The following QSOX2 variants were observed in gnomAD, a reference collection of about 807,000 sequenced individuals.
QSOX2 encodes quiescin sulfhydryl oxidase 2, also known as sulfhydryl oxidase 2.
Under a neutral mutation model 61.7 loss-of-function variants are expected in QSOX2, and 46 were observed. That is an observed-to-expected ratio of 0.75 (90% CI 0.59 to 0.95). The LOEUF (loss-of-function observed/expected upper bound fraction) is 0.95. QSOX2 is among the 40% of genes least tolerant of loss of function. QSOX2 has a pLI of 0.00. For missense variants in QSOX2, 879 were observed against 918.9 expected (o/e 0.96, Z 0.56); for synonymous variants, 383 against 388.4 (o/e 0.99, Z 0.16).
Position 136,209,045 on chromosome 9 carries a change from G to A in QSOX2, c.1780C>T (p.Leu594Phe), listed in dbSNP as rs1286851797. 2 of 1,614,104 alleles carry A rather than the reference G, an allele frequency of 1.2e-6. No homozygotes were observed. Among genetic ancestry groups the A allele is most frequent in the Non-Finnish European group, 1.7e-6 (2 of 1,179,994 alleles). ...CCATGGGACACCTCTGGGGGAGTGA[G>A]TCTTTTCTCCTCTTCCTCACCCCTG... is the stretch of plus-strand genomic sequence containing the variant. The part of the protein sequence containing the change: ...LARGEEEEKR[L>F]TPPEVSHGDR... The change falls in exon 12 of 12, where the codon CTC (leucine) becomes TTC (phenylalanine). Residue 594 changes from leucine to phenylalanine, a missense_variant. Physicochemically the swap from Leu to Phe is conservative, Grantham distance 22 (BLOSUM62 0). Coordinates refer to ENST00000358701, the MANE Select transcript of QSOX2 (RefSeq NM_181701.4). This position sits in a 1 kb window ranked among gnomAD's most constrained non-coding sequence, Gnocchi z 5.6.
intron 1 of QSOX2, among the ~76,000 whole-genome samples, chr9:136,235,857 C>T (rs1006905902): frequency 5.3e-5 from 8 of 152,188 alleles, no homozygotes; most frequent in Non-Finnish European, 8.8e-5. Context: ...CATGGGTCTC[C>T]GGCTCAGCAC....
intron 1 of QSOX2, among the ~76,000 whole-genome samples, chr9:136,232,917 C>CAAAAAAAAAAAAAAAA (rs60814748): frequency 8.8e-5 from 4 of 45,482 alleles, no homozygotes; most frequent in South Asian, 6.8e-4. Context: ...GAACCTGTCT[C>CAAAAAAAAAAAAAAAA]AAAAAAAAAA....
chr9:136,245,269 TG>T (rs1309161239), intron 1 of QSOX2, among the ~76,000 whole-genome samples: 1 of 152,042 alleles, frequency 6.6e-6, no homozygotes, highest in Non-Finnish European at 1.5e-5. Flanking sequence ...GGGAGAGACA[TG>T]GGGAGCAGCT....
At chr9:136,234,722 C>A (rs997858782) in intron 1 of QSOX2, among the ~76,000 whole-genome samples, 1 of 152,112 alleles carries the variant, frequency 6.6e-6, no homozygotes, top group African/African-American at 2.4e-5. Context: ...TGGCCATCCC[C>A]GGCTTGGGAG....
At chr9:136,214,314 C>A (rs989585385) in intron 10 of QSOX2, among the ~76,000 whole-genome samples, 7 of 152,228 alleles carry the variant, frequency 4.6e-5, no homozygotes, top group African/African-American at 7.2e-5. Flanking sequence ...CTGCGACGGT[C>A]CCCACAGATC....
At chr9:136,235,301 C>T (rs1346342307) in intron 1 of QSOX2, among the ~76,000 whole-genome samples, 1 of 152,240 alleles carries the variant, frequency 6.6e-6, no homozygotes, top group East Asian at 1.9e-4. Context: ...CACGTCCCCA[C>T]GACGGCCACA....
At chr9:136,239,089 C>T (rs965790208) in intron 1 of QSOX2, among the ~76,000 whole-genome samples, 1 of 152,250 alleles carries the variant, frequency 6.6e-6, no homozygotes, top group African/African-American at 2.4e-5. Context: ...TCTCCCAAGT[C>T]GCTGCCCTCT....
chr9:136,230,573 C>G (rs1265808729), intron 1 of QSOX2, among the ~76,000 whole-genome samples: 3 of 152,216 alleles, frequency 2.0e-5, no homozygotes, highest in Non-Finnish European at 4.4e-5. Context: ...TGACGGCATC[C>G]TTATCACGTC....
chr9:136,223,905 G>A lies in QSOX2; in HGVS notation c.585-52C>T, dbSNP rs1554756756. On this transcript the variant is annotated intron_variant, in intron 4 of 11. Coordinates refer to ENST00000358701, the MANE Select transcript of QSOX2 (RefSeq NM_181701.4). This position sits in a 1 kb window ranked among gnomAD's most constrained non-coding sequence, Gnocchi z 4.4. ...TAGTGCCGTCAACAGCAGCGAGTTG[G>A]CCACCACATCCCAGTGGCCACATCA... The A allele has an allele frequency of 1.7e-5, 27 of 1,585,554 alleles. No homozygotes were observed. The highest frequency in any genetic ancestry group is 2.1e-5 in the Non-Finnish European group (24 of 1,154,826).
At chr9:136,237,427 G>A (rs1233690376) in intron 1 of QSOX2, among the ~76,000 whole-genome samples, 7 of 144,638 alleles carry the variant, frequency 4.8e-5, no homozygotes, top group African/African-American at 1.8e-4. Flanking sequence ...GCATCACCTG[G>A]AGCCCGTCCT....
rs1253513912 is a variant in QSOX2, at chr9:136,221,413, C to T, written c.821+383G>A. Among the ~76,000 whole-genome samples, 1 of 152,222 alleles carries T rather than the reference C, an allele frequency of 6.6e-6. No individual in the cohort carries two copies. Among genetic ancestry groups the T allele is most frequent in the Non-Finnish European group, 1.5e-5 (1 of 68,034 alleles). The stretch of plus-strand genomic sequence containing the variant: ...TGGGCACGTGGGCTTGTCTGCCAGC[C>T]CCAGACACAGACCCAAACTGCATCC... On this transcript the variant is annotated intron_variant, in intron 6 of 11. Coordinates refer to ENST00000358701, the MANE Select transcript of QSOX2 (RefSeq NM_181701.4). The surrounding 1 kb of genome is among the most constrained non-coding windows in gnomAD (Gnocchi z 4.5).
At chr9:136,240,008 C>T (rs1312277536) in intron 1 of QSOX2, among the ~76,000 whole-genome samples, 2 of 152,264 alleles carry the variant, frequency 1.3e-5, no homozygotes, top group Non-Finnish European at 2.9e-5. Flanking sequence ...CTGCTCTGCC[C>T]ACCTGTCTAG....
chr9:136,226,760 C>T lies in QSOX2; in HGVS notation c.429+14G>A, dbSNP rs79697339. The stretch of plus-strand genomic sequence containing the variant: ...AGGTGAATTTCAACGGACAAGCAGC[C>T]GCGTGATACTCACCCGGAAGGTGGG... On this transcript the variant is annotated intron_variant, in intron 2 of 11. Transcript: ENST00000358701. The T allele has an allele frequency of 4.9e-3, 7,931 of 1,603,860 alleles. 337 individuals are homozygous for T. The African/African-American group carries it at 0.091, about 18-fold the overall frequency.
At chr9:136,226,955 G>T in intron 1 of QSOX2, 81 bp from the exon 2 acceptor site, 1 of 1,215,402 alleles carries the variant, frequency 8.2e-7, no homozygotes, top group Non-Finnish European at 1.2e-6. Context: ...CCCACTCCAG[G>T]CTGCGGCCAC....
intron 1 of QSOX2, among the ~76,000 whole-genome samples, chr9:136,241,895 G>A (rs1588642683): frequency 6.6e-6 from 1 of 152,224 alleles, no homozygotes; most frequent in Non-Finnish European, 1.5e-5. Flanking sequence ...GCCACAGAGG[G>A]CGCACGGGGA....
rs969759711 is a variant in QSOX2 at position 136,211,325 on chromosome 9, G to A, written c.1488C>T (p.Thr496=). 13 of 1,614,204 alleles carry A rather than the reference G, an allele frequency of 8.1e-6. No individual in the cohort carries two copies. The highest frequency in any genetic ancestry group is 1.1e-5 in the Non-Finnish European group (13 of 1,180,034). Residue 496 remains threonine, a synonymous_variant, in exon 11 of 12, where the codon ACC becomes ACT. Transcript: ENST00000358701. ...MAKESMDSVK[T]PDQAILWLWK... is the part of the protein sequence containing the mutation. ...ACAGCCAGAGGATGGCTTGGTCTGGGGTTTTCACCGAGTCCATGGATTCTT... is the reference window on the plus strand; with the variant it reads ...ACAGCCAGAGGATGGCTTGGTCTGGAGTTTTCACCGAGTCCATGGATTCTT...
Position 136,221,875 on chromosome 9 carries a change from A to G in QSOX2, c.742T>C (p.Phe248Leu). The change falls in exon 6 of 12, where the codon TTT becomes CTT. Residue 248 changes from phenylalanine (F) to leucine (L), a missense_variant. Physicochemically the swap from Phe to Leu is conservative, Grantham distance 22. Coordinates refer to ENST00000358701, the MANE Select transcript of QSOX2 (RefSeq NM_181701.4). The surrounding 1 kb of genome is among the most constrained non-coding windows in gnomAD (Gnocchi z 4.5). ...GAAGAAACACCAAGTTTCTCCAGAA[A>G]TGCTTTGTCCCCGTCCAGTGCTCGG... is the stretch of plus-strand genomic sequence containing the variant. ...VTRALDGDKAFLEKLGVSSVP... is the reference protein window; with the variant it reads ...VTRALDGDKALLEKLGVSSVP... 1.2e-6 allele frequency: 2 copies of G among 1,612,970 alleles called. No homozygotes were observed. The highest frequency in any genetic ancestry group is 3.3e-5 in the Admixed American group (2 of 59,858).
intron 1 of QSOX2, among the ~76,000 whole-genome samples, chr9:136,230,215 G>GCT: frequency 6.6e-6 from 1 of 152,334 alleles, no homozygotes; most frequent in Non-Finnish European, 1.5e-5. Context: ...GGAGGAGGAG[G>GCT]CTGCAGTGAG....
At chr9:136,211,154 G>T in intron 11 of QSOX2, 110 bp downstream of exon 11, 1 of 1,206,536 alleles carries the variant, frequency 8.3e-7, no homozygotes, top group Non-Finnish European at 1.2e-6. Flanking sequence ...GGTGGCACGA[G>T]GCCGCAAAGC....
Sources: gnomAD v4.1 joint callset for allele counts (sites outside exome capture counted in the v4.1 genomes callset) on GRCh38, gnomAD v4.1.1 for gene constraint, Gnocchi (gnomAD v3.1) non-coding constraint, MANE v1.5 for transcripts, NCBI Gene and HGNC (gene_info 2026-07-23, HGNC 2026-07-21) for gene names.